SHLD1: variants seen among roughly 807,000 people sequenced by gnomAD.
SHLD1 encodes the protein RINN1-REV7-interacting novel NHEJ regulator 3.
A neutral mutation model predicts 5.5 loss-of-function variants in SHLD1; 3 were observed. The observed-to-expected ratio is 0.54, with a 90% CI of 0.25 to 1.40. SHLD1 has a LOEUF of 1.40. SHLD1 is among the 40% of genes most tolerant of loss of function. SHLD1 has a pLI of 0.15. For synonymous variants in SHLD1, 92 were observed against 94.3 expected, an observed-to-expected ratio of 0.98 and a Z score of 0.14; for missense variants, 210 against 244.4, an observed-to-expected ratio of 0.86 and a Z score of 0.94.
Position 5,772,933 on chromosome 20 carries a change from C to T in SHLD1, c.68C>T (p.Ala23Val), listed in dbSNP as rs237422. 429,652 of 1,613,706 alleles carry T rather than the reference C, an allele frequency of 0.27. 58,229 individuals are homozygous for T. Among genetic ancestry groups the T allele is most frequent in the African/African-American group, 0.28 (21,286 of 74,918 alleles). Residue 23 changes from alanine to valine, a missense_variant, in exon 2 of 3, where the codon GCG becomes GTG. By Grantham distance (64) the Ala-to-Val change is moderately conservative. Transcript: ENST00000303142. ...EESSALDLPS[A>V]CDIRDYVLQG... Reference sequence around the variant, plus strand: ...AGCAGTGCTTTGGACCTGCCATCAGCGTGTGACATAAGAGATTACGTCCTG... The same window carrying T: ...AGCAGTGCTTTGGACCTGCCATCAGTGTGTGACATAAGAGATTACGTCCTG...
intron 2 of SHLD1, among the ~76,000 whole-genome samples, chr20:5,791,844 A>G (rs775877186): frequency 9.9e-5 from 15 of 152,196 alleles, no homozygotes; most frequent in Non-Finnish European, 2.1e-4. Context: ...CAGTTTCTCC[A>G]CATCCTTGCC....
chr20:5,837,316 G>A (rs1355260650), intron 2 of SHLD1, among the ~76,000 whole-genome samples: 1 of 151,962 alleles, frequency 6.6e-6, no homozygotes, highest in Non-Finnish European at 1.5e-5. Flanking sequence ...CGCTTTTATT[G>A]TAAGCTCAGG....
At chr20:5,849,929 G>A (rs964577845) in intron 2 of SHLD1, among the ~76,000 whole-genome samples, 1 of 136,950 alleles carries the variant, frequency 7.3e-6, no homozygotes. Flanking sequence ...ACTGCAGTCC[G>A]CAGTCCGGCC....
chr20:5,826,275 C>G (rs1041342331), intron 2 of SHLD1, among the ~76,000 whole-genome samples: 2 of 152,138 alleles, frequency 1.3e-5, no homozygotes, highest in African/African-American at 4.8e-5. Context: ...TCTGTAACCA[C>G]AGCCCTCCTT....
At chr20:5,755,747 C>T (rs570027535) in intron 1 of SHLD1, among the ~76,000 whole-genome samples, 13 of 151,944 alleles carry the variant, frequency 8.6e-5, no homozygotes, top group South Asian at 4.2e-4. Flanking sequence ...TTAGTAGAGA[C>T]GGGGTTTCTC....
intron 2 of SHLD1, among the ~76,000 whole-genome samples, chr20:5,786,001 A>C (rs545783446): frequency 1.3e-4 from 20 of 152,042 alleles, no homozygotes; most frequent in Admixed American, 6.6e-5. Context: ...AAGAAGCTTG[A>C]ACTACTTGTG....
intron 2 of SHLD1, among the ~76,000 whole-genome samples, chr20:5,845,414 A>G (rs548763542): frequency 6.6e-6 from 1 of 152,254 alleles, no homozygotes; most frequent in South Asian, 2.1e-4. Context: ...TAGGACTCAA[A>G]CTCAAGGCTT....
rs775627478 is a variant in SHLD1 at position 5,806,916 on chromosome 20, C to T, written c.178+33873C>T. On this transcript the variant is annotated intron_variant, in intron 2 of 2. Coordinates refer to ENST00000303142, the MANE Select transcript of SHLD1 (RefSeq NM_152504.4). The surrounding 1 kb of genome is among the most constrained non-coding windows in gnomAD (Gnocchi z 7.6). ...CCACTGAAGGACTTGATTTTAGCAC[C>T]GAAGAGTGAGTGAGTGGTCGTGTAA... 5.9e-5 allele frequency among the ~76,000 whole-genome samples: 9 copies of T among 152,214 alleles called. No homozygotes were observed. Among genetic ancestry groups the T allele is most frequent in the Admixed American group, 6.5e-5 (1 of 15,274 alleles).
chr20:5,778,604 C>CAA (rs59026745), intron 2 of SHLD1, among the ~76,000 whole-genome samples: 3,482 of 96,486 alleles, frequency 0.036, 174 homozygotes, highest in African/African-American at 0.11. Flanking sequence ...AAGACCTTGT[C>CAA]AAAAAAAAAA....
intron 2 of SHLD1, among the ~76,000 whole-genome samples, chr20:5,836,202 T>G (rs1009675393): frequency 1.3e-5 from 2 of 152,172 alleles, no homozygotes; most frequent in Non-Finnish European, 2.9e-5. Context: ...GTCTCTAGTG[T>G]AAATGTTTAC....
chr20:5,842,231 C>T (rs1002936192), intron 2 of SHLD1, among the ~76,000 whole-genome samples: 2 of 152,172 alleles, frequency 1.3e-5, no homozygotes, highest in Admixed American at 6.5e-5. Flanking sequence ...AATAGAAAAC[C>T]TTGAAATTGT....
intron 2 of SHLD1, among the ~76,000 whole-genome samples, chr20:5,781,544 C>A (rs1447047444): frequency 6.6e-6 from 1 of 152,180 alleles, no homozygotes; most frequent in Non-Finnish European, 1.5e-5. Context: ...ATGGTGCAAT[C>A]TCGGCTCCCT....
intron 2 of SHLD1, among the ~76,000 whole-genome samples, chr20:5,824,901 C>T (rs1312858863): frequency 1.3e-5 from 2 of 152,162 alleles, no homozygotes; most frequent in Admixed American, 1.3e-4. Flanking sequence ...CTGCTACGGT[C>T]ACTCGAAGCT....
intron 2 of SHLD1, among the ~76,000 whole-genome samples, chr20:5,785,625 G>C (rs183018681): frequency 6.6e-6 from 1 of 151,894 alleles, no homozygotes; most frequent in African/African-American, 2.4e-5. Context: ...GTGAAACCCC[G>C]TCTCTACTAA....
At chr20:5,846,834 C>T (rs1278387326) in intron 2 of SHLD1, among the ~76,000 whole-genome samples, 4 of 152,158 alleles carry the variant, frequency 2.6e-5, no homozygotes, top group East Asian at 1.9e-4. Context: ...TGTTAGGTTC[C>T]GATCCTTTAA....
chr20:5,844,596 A>T (rs2087904339), intron 2 of SHLD1, among the ~76,000 whole-genome samples: 1 of 152,060 alleles, frequency 6.6e-6, no homozygotes, highest in Non-Finnish European at 1.5e-5. Flanking sequence ...GTATAATCAT[A>T]GTCCTCCTGC....
chr20:5,806,105 T>C lies in SHLD1; in HGVS notation c.178+33062T>C, dbSNP rs2122355485. On this transcript the variant is annotated intron_variant, in intron 2 of 2. Transcript: ENST00000303142. The surrounding 1 kb of genome is among the most constrained non-coding windows in gnomAD (Gnocchi z 7.6). Reference sequence around the variant, plus strand: ...GTTTAGAACTCCTGGGTTCAAGTGATTCTCCTGCGTCAGCCTCCCAAAATG... The same window carrying C: ...GTTTAGAACTCCTGGGTTCAAGTGACTCTCCTGCGTCAGCCTCCCAAAATG... Among the ~76,000 whole-genome samples the C allele has an allele frequency of 6.6e-6, 1 of 152,326 alleles. No homozygotes were observed. The highest frequency in any genetic ancestry group is 2.4e-5 in the African/African-American group (1 of 41,584).
At chr20:5,804,431 G>GA (rs2087345917) in intron 2 of SHLD1, among the ~76,000 whole-genome samples, 1 of 150,010 alleles carries the variant, frequency 6.7e-6, no homozygotes, top group Non-Finnish European at 1.5e-5. Context: ...AAACAAACAA[G>GA]AAAATCTAGC....
intron 2 of SHLD1, among the ~76,000 whole-genome samples, chr20:5,791,765 T>C (rs965047625): frequency 6.6e-5 from 10 of 152,106 alleles, no homozygotes; most frequent in East Asian, 1.9e-4. Context: ...TTCTACAATA[T>C]GTAAAGAACT....
Sources: gnomAD v4.1 joint callset for allele counts (sites outside exome capture counted in the v4.1 genomes callset) on GRCh38, gnomAD v4.1.1 for gene constraint, Gnocchi (gnomAD v3.1) non-coding constraint, MANE v1.5 for transcripts, NCBI Gene and HGNC (gene_info 2026-07-23, HGNC 2026-07-21) for gene names.